The following TSC2 variants were observed in gnomAD, a reference collection of about 807,000 sequenced individuals.
TSC2 encodes the protein tuberin.
A neutral mutation model predicts 202.2 loss-of-function variants in TSC2; 29 were observed. That is an observed-to-expected ratio of 0.14 (90% CI 0.11 to 0.20). The LOEUF is 0.20. Among genes scored for constraint, TSC2 ranks in the 10% least tolerant of loss-of-function variants. The probability of loss-of-function intolerance (pLI) is 1.00; values close to 1 mark genes in which losing one functional copy is unlikely to be tolerated. For missense variants in TSC2, 2,429 were observed against 2,420.0 expected, an observed-to-expected ratio of 1.00 and a Z score of -0.08; for synonymous variants, 1,349 against 1,044.0, an observed-to-expected ratio of 1.29 and a Z score of -5.63.
At chr16:2,048,921 G>C (rs1293505417) in intron 2 of TSC2, among the ~76,000 whole-genome samples, 168 bp downstream of exon 2, 1 of 152,182 alleles carries the variant, frequency 6.6e-6, no homozygotes, top group Non-Finnish European at 1.5e-5. Context: ...GACTTCGAAA[G>C]TCAGGATCTT....
In TSC2 at chr16:2,064,930, A is replaced by G. The variant is rs141739551; in HGVS notation, c.1599+503A>G. On this transcript the variant is annotated intron_variant, in intron 15 of 41. Transcript: ENST00000219476. ...GGAGTTCAAGACCAGCCTGGCCAAC[A>G]TGGTGAAATCCTGTCTCTACTAAAA... is the stretch of plus-strand genomic sequence containing the variant. 29 of 213,454 alleles carry G rather than the reference A, an allele frequency of 1.4e-4. No individual in the cohort carries two copies. In the East Asian group the frequency reaches 2.4e-3, roughly 18 times the overall value. 13.2% of individuals were successfully genotyped at this position (213,454 alleles called of 1,614,324 possible).
chr16:2,055,295 G>A (rs2085633196), intron 5 of TSC2, 107 bp from the exon 6 acceptor site: 1 of 880,516 alleles, frequency 1.1e-6, no homozygotes, highest in Non-Finnish European at 1.9e-6. Context: ...TGATGATGGG[G>A]TTTCTGGCAG....
chr16:2,084,888 T>TGTGG, intron 34 of TSC2, 63 bp from the exon 35 acceptor site: 1 of 1,607,330 alleles, frequency 6.2e-7, no homozygotes, highest in East Asian at 2.2e-5. Flanking sequence ...TGTTCCTCCC[T>TGTGG]GTGGGCTGTG....
chr16:2,073,108 T>C (rs1288478160), intron 21 of TSC2, 125 bp downstream of exon 21: 1 of 1,471,548 alleles, frequency 6.8e-7, no homozygotes, highest in Non-Finnish European at 9.2e-7. Flanking sequence ...GAGTTGGCTC[T>C]GCTTCCCTGG....
chr16:2,054,342 A>C lies in TSC2; in HGVS notation c.383A>C (p.Lys128Thr). 16 of 1,614,190 alleles carry C rather than the reference A, an allele frequency of 9.9e-6. No individual in the cohort carries two copies. The highest frequency in any genetic ancestry group is 1.3e-5 in the Non-Finnish European group (15 of 1,180,016). ...VLRALFFKVI[K>T]DYPSNEDLHE... The stretch of plus-strand genomic sequence containing the variant: ...AGAGCCCTCTTCTTTAAGGTCATCA[A>C]GGATTACCCTTCCAACGAAGACCTT... Residue 128 changes from lysine (K) to threonine (T), a missense_variant, in exon 5 of 42, where the codon AAG becomes ACG. Coordinates refer to ENST00000219476, the MANE Select transcript of TSC2 (RefSeq NM_000548.5).
rs967893505 is a variant in TSC2 at position 2,079,879 on chromosome 16, C to T, written c.3397+210C>T. Among the ~76,000 whole-genome samples, 1 of 152,214 alleles carries T rather than the reference C, an allele frequency of 6.6e-6. No homozygotes were observed. The highest frequency in any genetic ancestry group is 6.5e-5 in the Admixed American group (1 of 15,288). Reference sequence around the variant, plus strand: ...CCCGCTTGCTGCAGAGGGGCCTGCTCTGGGTGCTGGTGTTTCCTGCGGGTT... The same window carrying T: ...CCCGCTTGCTGCAGAGGGGCCTGCTTTGGGTGCTGGTGTTTCCTGCGGGTT... On this transcript the variant is annotated intron_variant, in intron 29 of 41. Coordinates refer to ENST00000219476, the MANE Select transcript of TSC2 (RefSeq NM_000548.5). This position sits in a 1 kb window ranked among gnomAD's most constrained non-coding sequence, Gnocchi z 4.6.
intron 4 of TSC2, chr16:2,053,831 G>C (rs1478560531): frequency 3.6e-5 from 18 of 503,762 alleles, no homozygotes; most frequent in South Asian, 2.8e-4. Flanking sequence ...TGCTGGTCTT[G>C]GCTGACCCTG....
At chr16:2,048,563 C>G in intron 1 of TSC2, 24 bp from the exon 2 acceptor site, 9 of 1,613,188 alleles carry the variant, frequency 5.6e-6, no homozygotes, top group Non-Finnish European at 7.6e-6. Flanking sequence ...CTCAGATGTC[C>G]CCATTCCTGT....
At chr16:2,082,651 T>C (rs2090287210) in intron 32 of TSC2, 147 bp downstream of exon 32, 1 of 884,088 alleles carries the variant, frequency 1.1e-6, no homozygotes, top group Non-Finnish European at 1.8e-6. Context: ...AGGACGTCTG[T>C]GCAGAATGTC....
Position 2,058,841 on chromosome 16 carries a change from T to G in TSC2, c.943T>G (p.Ser315Ala), listed in dbSNP as rs949801715. 6.2e-7 allele frequency: 1 copy of G among 1,607,282 alleles called. No homozygotes were observed. Among genetic ancestry groups the G allele is most frequent in the South Asian group, 1.1e-5 (1 of 89,368 alleles). Reference protein sequence around the residue: ...GAHRLYSLRNSPTSVLPSFYQ... With the variant: ...GAHRLYSLRNAPTSVLPSFYQ... Reference sequence around the variant, plus strand: ...CCACCGGCTCTATTCTCTCAGGAACTCGCCGACATCTGTGTTGCCATCATT... The same window carrying G: ...CCACCGGCTCTATTCTCTCAGGAACGCGCCGACATCTGTGTTGCCATCATT... Residue 315 changes from serine to alanine, a missense_variant, in exon 10 of 42, where the codon TCG (serine) becomes GCG (alanine). Transcript: ENST00000219476.
chr16:2,063,330 C>G, intron 14 of TSC2: 1 of 577,056 alleles, frequency 1.7e-6, no homozygotes, highest in African/African-American at 1.9e-5. Context: ...AACACAGGAG[C>G]CTCTTAAAAA....
rs2151433013 is a variant in TSC2 at position 2,079,127 on chromosome 16, A to G, written c.3062A>G (p.Glu1021Gly). ...GATAGCCTGAAAAACCTCCACCTGGAGCTCACGGAAACCTGTCTGGACATG... is the reference window on the plus strand; with the variant it reads ...GATAGCCTGAAAAACCTCCACCTGGGGCTCACGGAAACCTGTCTGGACATG... ...ADDSLKNLHL[E>G]LTETCLDMMA... The change falls in exon 27 of 42, where the codon GAG becomes GGG. Residue 1021 changes from glutamate (E) to glycine (G), a missense_variant. Transcript: ENST00000219476. The surrounding 1 kb of genome is among the most constrained non-coding windows in gnomAD (Gnocchi z 4.6). The G allele has an allele frequency of 6.2e-7, 1 of 1,612,968 alleles. No homozygotes were observed. Among genetic ancestry groups the G allele is most frequent in the African/African-American group, 1.3e-5 (1 of 74,982 alleles).
intron 22 of TSC2, chr16:2,074,598 A>T: frequency 1.6e-6 from 1 of 633,204 alleles, no homozygotes; most frequent in Non-Finnish European, 2.8e-6. Flanking sequence ...TCTAGTGTCC[A>T]TGTGAACGCT....
intron 25 of TSC2, 72 bp downstream of exon 25, chr16:2,076,657 G>T: frequency 6.6e-7 from 1 of 1,515,668 alleles, no homozygotes; most frequent in South Asian, 1.1e-5. Flanking sequence ...CCTGCCTGAC[G>T]GTGCCTCCAA....
chr16:2,070,609 C>T, intron 17 of TSC2, 31 bp downstream of exon 17: 3 of 1,612,606 alleles, frequency 1.9e-6, no homozygotes, highest in Non-Finnish European at 2.5e-6. Flanking sequence ...CAGCCAGTTC[C>T]TGGGGGCCCA....
intron 12 of TSC2, 148 bp downstream of exon 12, chr16:2,062,156 G>A: frequency 3.4e-6 from 4 of 1,183,220 alleles, no homozygotes; most frequent in Non-Finnish European, 4.8e-6. Flanking sequence ...GGGAAGGCTG[G>A]CAGGCACAGC....
chr16:2,048,348 C>G, intron 1 of TSC2: 1 of 886,654 alleles, frequency 1.1e-6, no homozygotes, highest in Non-Finnish European at 1.8e-6. Context: ...CTGAGTCGGG[C>G]GGGGCGGGCG....
At position 2,088,786 on chromosome 16, in the gene TSC2, C is replaced by A; in HGVS notation, c.*176C>A. 1.2e-6 allele frequency: 1 copy of A among 867,536 alleles called. No homozygotes were observed. Among genetic ancestry groups the A allele is most frequent in the Non-Finnish European group, 1.7e-6 (1 of 577,270 alleles). 53.7% of individuals were successfully genotyped at this position (867,536 alleles called of 1,614,324 possible). ...GGGGTGTCGAGGCTCTAGAAGCGGCCATGCCCACAGAAGTGGTACACAGAA... is the reference window on the plus strand; with the variant it reads ...GGGGTGTCGAGGCTCTAGAAGCGGCAATGCCCACAGAAGTGGTACACAGAA... On this transcript the variant is annotated 3_prime_UTR_variant, in exon 42 of 42. Transcript: ENST00000219476.
rs778981693 is a variant in TSC2 at position 2,060,820 on chromosome 16, T to G, written c.1119+7T>G. On this transcript the variant is annotated splice_region_variant and intron_variant, in intron 11 of 41. Coordinates refer to ENST00000219476, the MANE Select transcript of TSC2 (RefSeq NM_000548.5). ...GCTCCTTCAGCAGCTCCAGGTGGGG[T>G]GGGGGCAGGAGCTCCGGGGAGCACC... The G allele has an allele frequency of 1.2e-6, 2 of 1,612,604 alleles. No homozygotes were observed. The highest frequency in any genetic ancestry group is 2.2e-5 in the South Asian group (2 of 91,036).
Sources: gnomAD v4.1 joint callset for allele counts (sites outside exome capture counted in the v4.1 genomes callset) on GRCh38, gnomAD v4.1.1 for gene constraint, Gnocchi (gnomAD v3.1) non-coding constraint, MANE v1.5 for transcripts, NCBI Gene and HGNC (gene_info 2026-07-23, HGNC 2026-07-21) for gene names.